VPS13A: variants seen among roughly 807,000 people sequenced by gnomAD.
VPS13A encodes the protein vacuolar protein sorting 13 homolog A, also known as intermembrane lipid transfer protein VPS13A.
Under a neutral mutation model 390.9 loss-of-function variants are expected in VPS13A, and 264 were observed. The ratio of observed to expected loss-of-function variants is 0.68; its 90% CI spans 0.61 to 0.75. VPS13A has a LOEUF of 0.75. Ranked by LOEUF, VPS13A falls within the 30% of genes least tolerant of loss-of-function variation. The pLI, the probability that VPS13A is intolerant of heterozygous loss-of-function variation, is 0.00. For synonymous variants in VPS13A, 1,231 were observed against 1,227.1 expected, an observed-to-expected ratio of 1.00 and a Z score of -0.07; for missense variants, 3,409 against 3,733.9, an observed-to-expected ratio of 0.91 and a Z score of 2.27.
chr9:77,281,258 T>G (rs1002032154), intron 27 of VPS13A, among the ~76,000 whole-genome samples: 2 of 152,170 alleles, frequency 1.3e-5, no homozygotes, highest in Non-Finnish European at 2.9e-5. Context: ...TAATAATGTG[T>G]TGTTTATTTT....
intron 35 of VPS13A, among the ~76,000 whole-genome samples, chr9:77,311,777 T>C (rs1196139417): frequency 6.6e-6 from 1 of 152,228 alleles, no homozygotes; most frequent in Non-Finnish European, 1.5e-5. Flanking sequence ...TACCTTTTTG[T>C]TTTTAAACAC....
chr9:77,409,393 T>TCTC (rs1000302600), intron 71 of VPS13A, among the ~76,000 whole-genome samples: 7 of 152,136 alleles, frequency 4.6e-5, no homozygotes, highest in Admixed American at 3.9e-4. Flanking sequence ...TCAGAGTACC[T>TCTC]CTCCTCCTCC....
At position 77,340,385 on chromosome 9, in the gene VPS13A, G is replaced by C. The variant is rs183040221; in HGVS notation, c.6880-19G>C. ...TGTTATACATAACAGTTTTTGAGCT[G>C]TTAATTTTTTTTTCTTAGGTTGGTG... On this transcript the variant is annotated intron_variant, in intron 49 of 71. Transcript: ENST00000360280. The C allele has an allele frequency of 0.011, 18,291 of 1,605,570 alleles. 136 individuals carry two copies. The highest frequency in any genetic ancestry group is 0.014 in the South Asian group (1,243 of 90,678).
intron 53 of VPS13A, among the ~76,000 whole-genome samples, 180 bp from the exon 54 acceptor site, chr9:77,353,229 A>C (rs1286033887): frequency 3.3e-5 from 5 of 152,096 alleles, no homozygotes; most frequent in Non-Finnish European, 5.9e-5. Context: ...ACATCAAATG[A>C]TTTCAATAAT....
chr9:77,390,203 T>G, intron 68 of VPS13A: 5 of 768,758 alleles, frequency 6.5e-6, no homozygotes, highest in African/African-American at 1.9e-5. Context: ...TTTATAGCTC[T>G]TCCTCTCCAG....
chr9:77,317,743 A>G (rs1240456173), intron 40 of VPS13A, 45 bp downstream of exon 40: 2 of 1,423,404 alleles, frequency 1.4e-6, no homozygotes, highest in African/African-American at 2.8e-5. Flanking sequence ...CACTTAAAAA[A>G]AGTAGTAAAG....
At chr9:77,415,474 G>A (rs1307778118) in intron 71 of VPS13A, among the ~76,000 whole-genome samples, 1 of 152,134 alleles carries the variant, frequency 6.6e-6, no homozygotes, top group Non-Finnish European at 1.5e-5. Context: ...GAAAGGTTGT[G>A]TATTACATTT....
intron 62 of VPS13A, 148 bp from the exon 63 acceptor site, chr9:77,369,151 G>A (rs1263251975): frequency 3.0e-6 from 2 of 667,716 alleles, no homozygotes; most frequent in Admixed American, 2.5e-5. Flanking sequence ...AAAAAAAAGA[G>A]TAGTGATTAA....
intron 55 of VPS13A, 65 bp from the exon 56 acceptor site, chr9:77,357,623 GCATT>G (rs1831885632): frequency 1.3e-6 from 2 of 1,524,832 alleles, no homozygotes; most frequent in East Asian, 4.8e-5. Flanking sequence ...AAAGTTTTTG[GCATT>G]AATTTCTAAT....
intron 31 of VPS13A, among the ~76,000 whole-genome samples, chr9:77,292,809 C>T (rs539234539): frequency 1.3e-5 from 2 of 152,160 alleles, no homozygotes; most frequent in Admixed American, 6.5e-5. Context: ...AGATTTTTAA[C>T]CACTGTAGGT....
At chr9:77,189,333 G>A (rs1004646874) in intron 1 of VPS13A, among the ~76,000 whole-genome samples, 1 of 151,880 alleles carries the variant, frequency 6.6e-6, no homozygotes, top group South Asian at 2.1e-4. Flanking sequence ...CATGTGGCTG[G>A]CCGTTATCTC....
chr9:77,327,390 C>G (rs946140023), intron 45 of VPS13A, among the ~76,000 whole-genome samples: 2 of 151,984 alleles, frequency 1.3e-5, no homozygotes, highest in African/African-American at 2.4e-5. Flanking sequence ...CTTACAGGTA[C>G]TATGTGTAGA....
At chr9:77,229,378 G>T (rs199640724) in intron 17 of VPS13A, among the ~76,000 whole-genome samples, 3 of 152,152 alleles carry the variant, frequency 2.0e-5, no homozygotes, top group Non-Finnish European at 4.4e-5. Flanking sequence ...TGGCTCATTC[G>T]AGAATATGTT....
intron 34 of VPS13A, among the ~76,000 whole-genome samples, chr9:77,307,281 TTATAAA>T (rs948710421): frequency 7.2e-5 from 11 of 152,158 alleles, no homozygotes; most frequent in African/African-American, 2.4e-4. Context: ...CTTCAGTGTC[TTATAAA>T]TATAAATATC....
intron 1 of VPS13A, among the ~76,000 whole-genome samples, chr9:77,195,893 T>C (rs1444361436): frequency 6.6e-6 from 1 of 152,168 alleles, no homozygotes; most frequent in Non-Finnish European, 1.5e-5. Flanking sequence ...GGAATAAATT[T>C]AGGTGGTGAT....
In VPS13A at chr9:77,357,818, A is replaced by G; in HGVS notation, c.7933A>G (p.Ile2645Val). 6.2e-7 allele frequency: 1 copy of G among 1,613,678 alleles called. No homozygotes were observed. The highest frequency in any genetic ancestry group is 1.3e-5 in the African/African-American group (1 of 74,946). The change falls in exon 56 of 72, where the codon ATT (isoleucine) becomes GTT (valine). Residue 2645 changes from isoleucine (I) to valine (V), a missense_variant. Coordinates refer to ENST00000360280, the MANE Select transcript of VPS13A (RefSeq NM_033305.3). ...NTSAHQSSFR[I>V]QIYRIQIQNQ... ...ATCTGCACATCAATCATCATTTAGA[A>G]TTCAGATTTACAGAATACAGGTAAG...
intron 27 of VPS13A, 42 bp downstream of exon 27, chr9:77,280,280 C>T (rs540215864): frequency 1.3e-6 from 2 of 1,481,958 alleles, no homozygotes; most frequent in African/African-American, 1.4e-5. Flanking sequence ...GGTAAGTATG[C>T]TGCTGAAATG....
intron 5 of VPS13A, among the ~76,000 whole-genome samples, chr9:77,209,079 T>C (rs1303427584): frequency 6.6e-6 from 1 of 152,228 alleles, no homozygotes; most frequent in Non-Finnish European, 1.5e-5. Flanking sequence ...AGATTTCTGC[T>C]TTGCTGCTGT....
intron 52 of VPS13A, among the ~76,000 whole-genome samples, chr9:77,346,370 T>C (rs1563945262): frequency 6.6e-6 from 1 of 152,114 alleles, no homozygotes; most frequent in Non-Finnish European, 1.5e-5. Context: ...ATTATTGTGT[T>C]TTTGTTTTTG....
Sources: gnomAD v4.1 joint callset for allele counts (sites outside exome capture counted in the v4.1 genomes callset) on GRCh38, gnomAD v4.1.1 for gene constraint, MANE v1.5 for transcripts, NCBI Gene and HGNC (gene_info 2026-07-23, HGNC 2026-07-21) for gene names.